The following SEMA3B variants were observed in gnomAD, a reference collection of about 807,000 sequenced individuals.
SEMA3B encodes semaphorin 3B, also known as semaphorin-3B.
A neutral mutation model predicts 77.8 loss-of-function variants in SEMA3B; 71 were observed. The observed-to-expected ratio is 0.91, with a 90% CI of 0.75 to 1.11. SEMA3B has a LOEUF of 1.11. SEMA3B is among the 50% of genes most tolerant of loss of function. The pLI, the probability that SEMA3B is intolerant of heterozygous loss-of-function variation, is 0.00. For synonymous variants in SEMA3B, 470 were observed against 452.9 expected (o/e 1.04, Z -0.48); for missense variants, 968 against 1,056.8 (o/e 0.92, Z 1.17).
At chr3:50,266,596 G>A (rs1700903046), upstream of SEMA3B, 1 of 152,314 alleles carries the variant, frequency 6.6e-6, no homozygotes, top group Non-Finnish European at 1.5e-5. Flanking sequence ...GCCTTGGGAG[G>A]TGGTAGGAAA....
Position 50,273,481 on chromosome 3 carries a change from C to T in SEMA3B, c.810+38C>T, listed in dbSNP as rs1553705800. 1.2e-6 allele frequency: 2 copies of T among 1,610,160 alleles called. No individual in the cohort carries two copies. Among genetic ancestry groups the T allele is most frequent in the Middle Eastern group, 1.6e-4 (1 of 6,072 alleles). The stretch of plus-strand genomic sequence containing the variant: ...TGGGCCACACCCGGCGACCCTGCCC[C>T]TACCCCTTTGCCTGCCCTGGTCTCG... On this transcript the variant is annotated intron_variant, in intron 7 of 16. Transcript: ENST00000616701. The surrounding 1 kb of genome is among the most constrained non-coding windows in gnomAD (Gnocchi z 6.5).
chr3:50,275,084 A>G lies in SEMA3B; in HGVS notation c.1491+31A>G. ...TGACCAGGATGGGGGTCGGGGTGGG[A>G]TGGACTGAGCTTGTGCCTGGCGCGT... On this transcript the variant is annotated intron_variant, in intron 13 of 16. Transcript: ENST00000616701. The surrounding 1 kb of genome is among the most constrained non-coding windows in gnomAD (Gnocchi z 7.5). 1 of 1,557,264 alleles carries G rather than the reference A, an allele frequency of 6.4e-7. No individual in the cohort carries two copies. The highest frequency in any genetic ancestry group is 1.2e-5 in the South Asian group (1 of 82,602).
chr3:50,276,829 C>A lies in SEMA3B; in HGVS notation c.*123C>A. ...TGGGGGTCACCGGCCGATGGAGACA[C>A]CAACCGACAGGCCCTGGCTGAGGGC... On this transcript the variant is annotated 3_prime_UTR_variant, in exon 17 of 17. Coordinates refer to ENST00000616701, the MANE Select transcript of SEMA3B (RefSeq NM_001290060.2). The surrounding 1 kb of genome is among the most constrained non-coding windows in gnomAD (Gnocchi z 5.8). 1.7e-6 allele frequency: 2 copies of A among 1,185,066 alleles called. No individual in the cohort carries two copies. The highest frequency in any genetic ancestry group is 2.2e-6 in the Non-Finnish European group (2 of 895,472). 73.4% of individuals were successfully genotyped at this position (1,185,066 alleles called of 1,614,324 possible). A position where few individuals can be genotyped will look rare whatever the true frequency, so the allele number is the denominator to read the frequency against.
upstream of SEMA3B, among the ~76,000 whole-genome samples, chr3:50,268,516 CAT>C (rs587724494): frequency 2.4e-4 from 37 of 152,374 alleles, no homozygotes; most frequent in African/African-American, 8.7e-4. Context: ...CATATCCACA[CAT>C]GTGCAATATG....
Position 50,271,469 on chromosome 3 carries a change from G to A in SEMA3B, c.653G>A (p.Arg218His), listed in dbSNP as rs1482241569. The A allele has an allele frequency of 4.5e-6, 7 of 1,565,530 alleles. No homozygotes were observed. The highest frequency in any genetic ancestry group is 4.8e-5 in the East Asian group (2 of 41,912). ...PSLRTEPHDS[R>H]WLNEPKFVKV... ...CTCCGAACAGAGCCACACGACTCCC[G>A]CTGGCTCAATGGTGAGAGGCTGGTG... Residue 218 changes from arginine (R) to histidine (H), a missense_variant, in exon 6 of 17, where the codon CGC becomes CAC. Coordinates refer to ENST00000616701, the MANE Select transcript of SEMA3B (RefSeq NM_001290060.2).
chr3:50,274,618 G>C lies in SEMA3B; in HGVS notation c.1357+36G>C, dbSNP rs782665879. On this transcript the variant is annotated intron_variant, in intron 11 of 16. Transcript: ENST00000616701. The surrounding 1 kb of genome is among the most constrained non-coding windows in gnomAD (Gnocchi z 4.7). Reference sequence around the variant, plus strand: ...CTCCACAGCGACCCCCAGGCTCCCAGCCAGGCCCTGTGGGCTGCTGATGGA... The same window carrying C: ...CTCCACAGCGACCCCCAGGCTCCCACCCAGGCCCTGTGGGCTGCTGATGGA... 14 of 1,514,530 alleles carry C rather than the reference G, an allele frequency of 9.2e-6. No individual in the cohort carries two copies. Among genetic ancestry groups the C allele is most frequent in the Admixed American group, 4.4e-5 (2 of 45,930 alleles). The allele number at this position is 1,514,530 out of a possible 1,614,324, so 93.8% of individuals were successfully genotyped here.
upstream of SEMA3B, among the ~76,000 whole-genome samples, chr3:50,262,691 G>A (rs1414615122): frequency 3.9e-5 from 6 of 152,234 alleles, no homozygotes; most frequent in African/African-American, 1.4e-4. Context: ...ACAGTCCCTG[G>A]TGATCTTGGC....
In SEMA3B at chr3:50,276,313, G is replaced by GGAGCGCACC. The variant is rs782238077; in HGVS notation, c.1868_1876dup (p.Glu623_Thr625dup). 20 of 1,519,760 alleles carry GGAGCGCACC rather than the reference G, an allele frequency of 1.3e-5. No homozygotes were observed. In the South Asian group the frequency reaches 1.9e-4, roughly 15 times the overall value. 94.1% of individuals were successfully genotyped at this position (1,519,760 alleles called of 1,614,324 possible). On this transcript the variant is annotated inframe_insertion, in exon 17 of 17. Coordinates refer to ENST00000616701, the MANE Select transcript of SEMA3B (RefSeq NM_001290060.2). This position sits in a 1 kb window ranked among gnomAD's most constrained non-coding sequence, Gnocchi z 5.8. ...CCCTCTGCCCGCAGGTGCTGGCAGA[G>GGAGCGCACC]GAGCGCACCGAGCGCACCGCCCGGG...
rs1553705989 is a variant in SEMA3B, at chr3:50,274,005, T to A, written c.1085T>A (p.Met362Lys). 1 of 1,613,704 alleles carries A rather than the reference T, an allele frequency of 6.2e-7. No homozygotes were observed. The highest frequency in any genetic ancestry group is 8.5e-7 in the Non-Finnish European group (1 of 1,179,792). ...CCCTTTGCACACAAGGAGGGGCCCA[T>A]GCACCAGTGGGTGTCATACCAGGGT... ...LGPFAHKEGPMHQWVSYQGRV... is the reference protein window; with the variant it reads ...LGPFAHKEGPKHQWVSYQGRV... The change falls in exon 10 of 17, where the codon ATG becomes AAG. Residue 362 changes from methionine (M) to lysine (K), a missense_variant. Transcript: ENST00000616701. This position sits in a 1 kb window ranked among gnomAD's most constrained non-coding sequence, Gnocchi z 4.7.
chr3:50,276,890 T>G lies in SEMA3B; in HGVS notation c.*184T>G. On this transcript the variant is annotated 3_prime_UTR_variant, in exon 17 of 17. Coordinates refer to ENST00000616701, the MANE Select transcript of SEMA3B (RefSeq NM_001290060.2). The surrounding 1 kb of genome is among the most constrained non-coding windows in gnomAD (Gnocchi z 5.8). ...GCTTATTTATTAACAGGATAACCCT[T>G]GAATGTAGCAGCCCCGGGAGGGCGG... The G allele has an allele frequency of 3.0e-6, 2 of 670,188 alleles. No homozygotes were observed. Among genetic ancestry groups the G allele is most frequent in the Non-Finnish European group, 4.5e-6 (2 of 440,114 alleles). The allele number at this position is 670,188 out of a possible 1,614,324, so 41.5% of individuals were successfully genotyped here. A position where few individuals can be genotyped will look rare whatever the true frequency, so the allele number is the denominator to read the frequency against.
chr3:50,271,086 A>G lies in SEMA3B; in HGVS notation c.451-2A>G, dbSNP rs947061830. The G allele has an allele frequency of 1.9e-6, 3 of 1,578,782 alleles. No homozygotes were observed. Among genetic ancestry groups the G allele is most frequent in the South Asian group, 1.2e-5 (1 of 86,238 alleles). On this transcript the variant is annotated splice_acceptor_variant, in intron 4 of 16. Transcript: ENST00000616701. LOFTEE classifies it high-confidence loss of function. ...GTAGTCACAACTTGCCACACCTCCC[A>G]GGAGCCCGTCCTCCGGCTGGACCCA...
In SEMA3B at chr3:50,274,469, C is replaced by A. The variant is rs2071203; in HGVS notation, c.1244C>A (p.Thr415Asn). ...CTCATGTACAACTCTGTCCTGCCCA[C>A]TGGGGGGCGCCCTCTTTTCCTACAA... ...HPLMYNSVLP[T>N]GGRPLFLQVG... The change falls in exon 11 of 17, where the codon ACT becomes AAT. Residue 415 changes from threonine (T) to asparagine (N), a missense_variant. Physicochemically the swap from Thr to Asn is moderately conservative, Grantham distance 65. Transcript: ENST00000616701. This position sits in a 1 kb window ranked among gnomAD's most constrained non-coding sequence, Gnocchi z 4.7. 1 of 1,550,154 alleles carries A rather than the reference C, an allele frequency of 6.5e-7. No individual in the cohort carries two copies. The highest frequency in any genetic ancestry group is 8.7e-7 in the Non-Finnish European group (1 of 1,150,810).
rs1337486810 is a variant in SEMA3B, at chr3:50,277,462, G to C, written c.*756G>C. On this transcript the variant is annotated 3_prime_UTR_variant, in exon 17 of 17. Transcript: ENST00000616701. The stretch of plus-strand genomic sequence containing the variant: ...AGCTACTCAGGAGGCTGAGGCAGGA[G>C]AATTGCTTGAACCTGGGAGGTGGAG... 2 of 139,418 alleles carry C rather than the reference G, an allele frequency of 1.4e-5. No homozygotes were observed. The highest frequency in any genetic ancestry group is 3.1e-5 in the Non-Finnish European group (2 of 65,542). 8.6% of individuals were successfully genotyped at this position (139,418 alleles called of 1,614,324 possible).
upstream of SEMA3B, chr3:50,269,063 G>C (rs1472410535): frequency 3.4e-6 from 2 of 593,560 alleles, no homozygotes; most frequent in Non-Finnish European, 5.9e-6. This position sits in a 1 kb window ranked among gnomAD's most constrained non-coding sequence, Gnocchi z 4.0. Flanking sequence ...AGTGGAATGC[G>C]ACCCCCCAGC....
chr3:50,274,352 C>G lies in SEMA3B; in HGVS notation c.1138-11C>G. 6.7e-7 allele frequency: 1 copy of G among 1,492,324 alleles called. No homozygotes were observed. 92.4% of individuals were successfully genotyped at this position (1,492,324 alleles called of 1,614,324 possible). A position where few individuals can be genotyped will look rare whatever the true frequency, so the allele number is the denominator to read the frequency against. On this transcript the variant is annotated splice_polypyrimidine_tract_variant and intron_variant, in intron 10 of 16. Transcript: ENST00000616701. This position sits in a 1 kb window ranked among gnomAD's most constrained non-coding sequence, Gnocchi z 4.7. ...ATATCCCTGCTGTGCCTCCCTTTCC[C>G]CCACCCCCAGTGCCCCAGCAAGACC... is the stretch of plus-strand genomic sequence containing the variant.
At chr3:50,264,592 A>G (rs1322579053), upstream of SEMA3B, among the ~76,000 whole-genome samples, 2 of 152,120 alleles carry the variant, frequency 1.3e-5, no homozygotes, top group Non-Finnish European at 2.9e-5. Flanking sequence ...CCTCCCCCAG[A>G]GCATTCAGAG....
chr3:50,276,478 C>G lies in SEMA3B; in HGVS notation c.2022C>G (p.Ala674=), dbSNP rs1553706804. ...SATQAERLAR[A]EEAAPAAPPG... is the part of the protein sequence containing the mutation. The stretch of plus-strand genomic sequence containing the variant: ...CGCAGGCCGAACGACTGGCGCGGGC[C>G]GAGGAGGCTGCGCCCGCCGCGCCGC... The change falls in exon 17 of 17, where the codon GCC becomes GCG. Residue 674 remains alanine (A), a synonymous_variant. Coordinates refer to ENST00000616701, the MANE Select transcript of SEMA3B (RefSeq NM_001290060.2). The surrounding 1 kb of genome is among the most constrained non-coding windows in gnomAD (Gnocchi z 5.8). 6 of 1,530,928 alleles carry G rather than the reference C, an allele frequency of 3.9e-6. No homozygotes were observed. In the East Asian group the frequency reaches 1.2e-4, roughly 31 times the overall value. 94.8% of individuals were successfully genotyped at this position (1,530,928 alleles called of 1,614,324 possible). A position where few individuals can be genotyped will look rare whatever the true frequency, so the allele number is the denominator to read the frequency against.
chr3:50,275,849 G>A lies in SEMA3B; in HGVS notation c.1845+5G>A, dbSNP rs782305603. ...GGGGTGACAGCCCACACCCAGGTGA[G>A]CCTTACTCCGCCCTCCCCGCCAGGC... On this transcript the variant is annotated splice_donor_5th_base_variant and intron_variant, in intron 16 of 16. Coordinates refer to ENST00000616701, the MANE Select transcript of SEMA3B (RefSeq NM_001290060.2). The surrounding 1 kb of genome is among the most constrained non-coding windows in gnomAD (Gnocchi z 7.5). The A allele has an allele frequency of 6.3e-7, 1 of 1,580,226 alleles. No individual in the cohort carries two copies. The highest frequency in any genetic ancestry group is 2.2e-5 in the East Asian group (1 of 44,568).
Position 50,270,352 on chromosome 3 carries a change from A to T in SEMA3B, c.267+68A>T. Reference sequence around the variant, plus strand: ...CCTGGGACCCCACTCCAGCCTGGAGAGACCCAGAGGAATGGCTCCCTGAGG... The same window carrying T: ...CCTGGGACCCCACTCCAGCCTGGAGTGACCCAGAGGAATGGCTCCCTGAGG... On this transcript the variant is annotated intron_variant, in intron 2 of 16. Coordinates refer to ENST00000616701, the MANE Select transcript of SEMA3B (RefSeq NM_001290060.2). The surrounding 1 kb of genome is among the most constrained non-coding windows in gnomAD (Gnocchi z 4.7). 6.2e-7 allele frequency: 1 copy of T among 1,609,486 alleles called. No homozygotes were observed. Among genetic ancestry groups the T allele is most frequent in the Non-Finnish European group, 8.5e-7 (1 of 1,176,440 alleles).
Sources: gnomAD v4.1 joint callset for allele counts (sites outside exome capture counted in the v4.1 genomes callset) on GRCh38, gnomAD v4.1.1 for gene constraint, Gnocchi (gnomAD v3.1) non-coding constraint, MANE v1.5 for transcripts, NCBI Gene and HGNC (gene_info 2026-07-23, HGNC 2026-07-21) for gene names.